MIER3: variants seen among roughly 807,000 people sequenced by gnomAD.
MIER3 encodes the protein mesoderm induction early response protein 3.
A neutral mutation model predicts 63.2 loss-of-function variants in MIER3; 9 were observed. The ratio of observed to expected loss-of-function variants is 0.14; its 90% CI spans 0.09 to 0.25. The LOEUF (loss-of-function observed/expected upper bound fraction) is 0.25, where lower values mean the gene tolerates loss of function less well. MIER3 is among the 10% of genes least tolerant of loss of function. The probability of loss-of-function intolerance (pLI) is 1.00; values close to 1 mark genes in which losing one functional copy is unlikely to be tolerated. For missense variants in MIER3, 512 were observed against 666.2 expected (o/e 0.77, Z 2.55); for synonymous variants, 205 against 224.9 (o/e 0.91, Z 0.79).
At chr5:56,931,056 T>TAAAA (rs1405902993) in intron 8 of MIER3, among the ~76,000 whole-genome samples, 2 of 152,216 alleles carry the variant, frequency 1.3e-5, no homozygotes, top group African/African-American at 4.8e-5. Context: ...TTCCCCTATT[T>TAAAA]TAGATGTTTC....
At chr5:56,924,408 T>G (rs1749856803) in intron 10 of MIER3, among the ~76,000 whole-genome samples, 1 of 152,214 alleles carries the variant, frequency 6.6e-6, no homozygotes, top group African/African-American at 2.4e-5. Flanking sequence ...TTCTTAACTT[T>G]GGATTAACTA....
rs1327876394 is a variant in MIER3 at position 56,933,463 on chromosome 5, ATTCT to A, written c.596-69_596-66del. On this transcript the variant is annotated intron_variant, in intron 7 of 12. Transcript: ENST00000381199. ...ACGCACTCAAAGATGTACACAAACAATTCTTTGTCTTCCTTGATTGGCTATCCAG... is the reference window on the plus strand; with the variant it reads ...ACGCACTCAAAGATGTACACAAACAATTGTCTTCCTTGATTGGCTATCCAG... 9 of 1,394,820 alleles carry A rather than the reference ATTCT, an allele frequency of 6.5e-6. No homozygotes were observed. The Admixed American group carries it at 9.6e-5, about 15-fold the overall frequency. The allele number at this position is 1,394,820 out of a possible 1,614,324, so 86.4% of individuals were successfully genotyped here.
At chr5:56,952,061 G>C in intron 1 of MIER3, 33 bp downstream of exon 1, 1 of 1,286,430 alleles carries the variant, frequency 7.8e-7, no homozygotes, top group Non-Finnish European at 1.0e-6. Context: ...GCCCGCTCCA[G>C]CCCGGCTGCT....
At chr5:56,931,282 T>A (rs1561236158) in intron 8 of MIER3, among the ~76,000 whole-genome samples, 1 of 152,202 alleles carries the variant, frequency 6.6e-6, no homozygotes, top group East Asian at 1.9e-4. Context: ...CTTGGAATTA[T>A]GAACATAATA....
At chr5:56,942,234 G>C (rs2112133942) in intron 3 of MIER3, among the ~76,000 whole-genome samples, 1 of 152,348 alleles carries the variant, frequency 6.6e-6, no homozygotes, top group South Asian at 2.1e-4. Flanking sequence ...AGAGAAAAGA[G>C]GAAGGGATCT....
At chr5:56,929,005 A>ACACACACACACACACACT (rs777014337) in intron 9 of MIER3, 144 bp from the exon 10 acceptor site, 4 of 510,948 alleles carry the variant, frequency 7.8e-6, no homozygotes, top group African/African-American at 2.0e-5. Flanking sequence ...ACACACACAC[A>ACACACACACACACACACT]CTCTCTCTCT....
intron 3 of MIER3, among the ~76,000 whole-genome samples, chr5:56,944,356 C>G (rs944884511): frequency 2.0e-5 from 3 of 151,976 alleles, no homozygotes; most frequent in African/African-American, 7.2e-5. Flanking sequence ...TGGCGGGCAC[C>G]TATAGTCCCA....
rs369237548 is a variant in MIER3, at chr5:56,928,808, T to C, written c.883A>G (p.Met295Val). ...EECRSFEHAL[M>V]LFGKDFHLIQ... The stretch of plus-strand genomic sequence containing the variant: ...AGATGAAAATCTTTTCCAAAAAGCA[T>C]GAGTGCATGTTCAAAGCTTCGGCAT... Residue 295 changes from methionine to valine, a missense_variant, in exon 10 of 13, where the codon ATG (methionine) becomes GTG (valine). This residue lies in a region of MIER3 where 34 missense variants were observed against 86.3 expected (regional missense o/e 0.39). Coordinates refer to ENST00000381199, the MANE Select transcript of MIER3 (RefSeq NM_001297599.2). The C allele has an allele frequency of 6.2e-6, 10 of 1,613,794 alleles. No homozygotes were observed. Among genetic ancestry groups the C allele is most frequent in the Non-Finnish European group, 6.8e-6 (8 of 1,179,822 alleles).
intron 1 of MIER3, among the ~76,000 whole-genome samples, chr5:56,950,952 G>A (rs1751003785): frequency 6.6e-6 from 1 of 152,100 alleles, no homozygotes. Context: ...GCAAAACCCA[G>A]AGCAGTCGGC....
At chr5:56,946,818 A>G (rs1025386835) in intron 3 of MIER3, 108 bp downstream of exon 3, 6 of 911,570 alleles carry the variant, frequency 6.6e-6, no homozygotes, top group Admixed American at 7.5e-5. Context: ...ATAAGAGTGA[A>G]AAAAAAAAGG....
chr5:56,938,443 G>C, intron 4 of MIER3: 1 of 463,862 alleles, frequency 2.2e-6, no homozygotes, highest in Non-Finnish European at 4.5e-6. Context: ...CTACGTTAGA[G>C]ATGGATCACC....
Position 56,952,084 on chromosome 5 carries a change from C to A in MIER3, c.9+10G>T. The A allele has an allele frequency of 1.5e-6, 2 of 1,302,894 alleles. No homozygotes were observed. The highest frequency in any genetic ancestry group is 2.0e-6 in the Non-Finnish European group (2 of 1,008,008). 80.7% of individuals were successfully genotyped at this position (1,302,894 alleles called of 1,614,324 possible). A position where few individuals can be genotyped will look rare whatever the true frequency, so the allele number is the denominator to read the frequency against. On this transcript the variant is annotated intron_variant, in intron 1 of 12. Coordinates refer to ENST00000381199, the MANE Select transcript of MIER3 (RefSeq NM_001297599.2). Reference sequence around the variant, plus strand: ...CAGCCCGGCTGCTCCTGCCCGGTTTCCCTGCTCACCTCCGCCATATTGGTA... The same window carrying A: ...CAGCCCGGCTGCTCCTGCCCGGTTTACCTGCTCACCTCCGCCATATTGGTA...
Position 56,923,764 on chromosome 5 carries a change from A to C in MIER3, c.1122T>G (p.Thr374=), listed in dbSNP as rs781200388. 1 of 1,614,212 alleles carries C rather than the reference A, an allele frequency of 6.2e-7. No individual in the cohort carries two copies. The highest frequency in any genetic ancestry group is 8.5e-7 in the Non-Finnish European group (1 of 1,180,028). ...LGGTVNASAL[T]SNRPEPIPDQ... Reference sequence around the variant, plus strand: ...CAGGAATAGGCTCAGGCCGGTTAGAAGTTAAGGCTGAAGCATTTACCGTCC... The same window carrying C: ...CAGGAATAGGCTCAGGCCGGTTAGACGTTAAGGCTGAAGCATTTACCGTCC... The change falls in exon 12 of 13, where the codon ACT becomes ACG. Residue 374 remains threonine, a synonymous_variant. Coordinates refer to ENST00000381199, the MANE Select transcript of MIER3 (RefSeq NM_001297599.2).
intron 7 of MIER3, among the ~76,000 whole-genome samples, chr5:56,933,741 T>C (rs1010892381): frequency 6.6e-6 from 1 of 152,092 alleles, no homozygotes; most frequent in African/African-American, 2.4e-5. Context: ...CCTGTGTAAA[T>C]TCTCTAATAA....
At chr5:56,942,389 G>A (rs1288866468) in intron 3 of MIER3, among the ~76,000 whole-genome samples, 4 of 152,188 alleles carry the variant, frequency 2.6e-5, no homozygotes, top group Admixed American at 2.6e-4. Flanking sequence ...TTATTTGAGT[G>A]AAATTTAGGG....
At chr5:56,936,077 C>T (rs989933472) in intron 5 of MIER3, among the ~76,000 whole-genome samples, 3 of 151,868 alleles carry the variant, frequency 2.0e-5, no homozygotes, top group South Asian at 4.1e-4. Context: ...ATTAGCCGGG[C>T]GTGGTGGGGG....
intron 10 of MIER3, among the ~76,000 whole-genome samples, chr5:56,924,430 G>A (rs1749858330): frequency 6.6e-6 from 1 of 152,142 alleles, no homozygotes. Context: ...CCCCTGAGGG[G>A]TCCATAAATG....
At chr5:56,940,126 T>G (rs1750591473) in intron 3 of MIER3, among the ~76,000 whole-genome samples, 2 of 152,152 alleles carry the variant, frequency 1.3e-5, no homozygotes, top group Admixed American at 1.3e-4. Flanking sequence ...GGTCAGGAGT[T>G]CGAGACCAGC....
At chr5:56,935,897 T>G in intron 5 of MIER3, 146 bp from the exon 6 acceptor site, 1 of 650,436 alleles carries the variant, frequency 1.5e-6, no homozygotes. Context: ...CAATCGACAT[T>G]GGTCAAAATG....
Sources: allele counts gnomAD v4.1 joint callset (sites outside exome capture counted in the v4.1 genomes callset), GRCh38; gene constraint gnomAD v4.1.1; regional missense constraint gnomAD v4.1.1; transcripts MANE v1.5; gene names NCBI Gene and HGNC (gene_info 2026-07-23, HGNC 2026-07-21).